ARHGAP10: variants seen among roughly 807,000 people sequenced by gnomAD.
ARHGAP10 encodes the protein Rho GTPase activating protein 10.
In ARHGAP10, 87 loss-of-function variants were observed where a neutral mutation model predicts 108.6. The observed-to-expected ratio is 0.80, with a 90% confidence interval of 0.67 to 0.96. The LOEUF (loss-of-function observed/expected upper bound fraction) is 0.96. Among genes scored for constraint, ARHGAP10 ranks in the 40% least tolerant of loss-of-function variants. The probability of loss-of-function intolerance (pLI) is 0.00; values close to 1 mark genes in which losing one functional copy is unlikely to be tolerated. For missense variants in ARHGAP10, 939 were observed against 954.5 expected, an observed-to-expected ratio of 0.98 and a Z score of 0.21; for synonymous variants, 347 against 341.1, an observed-to-expected ratio of 1.02 and a Z score of -0.19.
intron 18 of ARHGAP10, among the ~76,000 whole-genome samples, chr4:147,974,958 A>C (rs764942013): frequency 6.6e-6 from 1 of 152,186 alleles, no homozygotes; most frequent in South Asian, 2.1e-4. Flanking sequence ...CCATGATTCA[A>C]TTATCTCCCA....
chr4:147,990,153 A>G (rs1740214251), intron 18 of ARHGAP10, among the ~76,000 whole-genome samples: 1 of 152,246 alleles, frequency 6.6e-6, no homozygotes, highest in African/African-American at 2.4e-5. Context: ...TCAGGTCTTC[A>G]TGGTGCAACC....
At chr4:147,873,441 C>A (rs983497182) in intron 7 of ARHGAP10, among the ~76,000 whole-genome samples, 11 of 151,520 alleles carry the variant, frequency 7.3e-5, no homozygotes, top group African/African-American at 2.7e-4. Flanking sequence ...ATTATACACA[C>A]ATGGGGGGAA....
intron 3 of ARHGAP10, among the ~76,000 whole-genome samples, chr4:147,842,354 C>T (rs1181412501): frequency 6.6e-6 from 1 of 152,154 alleles, no homozygotes; most frequent in African/African-American, 2.4e-5. Context: ...CTTGTGTAAT[C>T]TTTGTAGCCT....
At chr4:147,746,175 C>G (rs1030656659) in intron 1 of ARHGAP10, among the ~76,000 whole-genome samples, 40 of 151,948 alleles carry the variant, frequency 2.6e-4, no homozygotes, top group African/African-American at 8.9e-4. Flanking sequence ...GTGATCTTGG[C>G]TCACTGCATC....
chr4:147,799,539 G>A (rs1731489319), intron 1 of ARHGAP10, among the ~76,000 whole-genome samples: 1 of 152,150 alleles, frequency 6.6e-6, no homozygotes, highest in Non-Finnish European at 1.5e-5. Flanking sequence ...TTCTGATAGA[G>A]TGAATTCTGT....
intron 1 of ARHGAP10, among the ~76,000 whole-genome samples, chr4:147,747,279 G>A (rs966215303): frequency 1.3e-5 from 2 of 152,116 alleles, no homozygotes; most frequent in African/African-American, 4.8e-5. Flanking sequence ...AAGATTGTAG[G>A]ACTTCCAAGT....
intron 3 of ARHGAP10, among the ~76,000 whole-genome samples, chr4:147,825,372 G>A (rs561263459): frequency 1.2e-4 from 18 of 152,132 alleles, no homozygotes; most frequent in African/African-American, 3.1e-4. Flanking sequence ...AGTTGAGCCC[G>A]GGAGGCGGAG....
At chr4:148,003,605 G>A (rs183143079) in intron 18 of ARHGAP10, among the ~76,000 whole-genome samples, 10 of 152,256 alleles carry the variant, frequency 6.6e-5, no homozygotes, top group Admixed American at 6.5e-4. Context: ...CCTGTATTGG[G>A]TGCATATATG....
At chr4:147,749,101 G>A (rs1729044768) in intron 1 of ARHGAP10, among the ~76,000 whole-genome samples, 1 of 152,200 alleles carries the variant, frequency 6.6e-6, no homozygotes, top group Admixed American at 6.5e-5. Context: ...AAATAAGTAT[G>A]CCTTCTATTT....
At chr4:147,916,109 T>C (rs956213676) in intron 13 of ARHGAP10, among the ~76,000 whole-genome samples, 7 of 152,314 alleles carry the variant, frequency 4.6e-5, no homozygotes, top group African/African-American at 7.2e-5. Context: ...TAATAACTAT[T>C]GTACACTTCT....
chr4:148,001,297 T>C (rs923035868), intron 18 of ARHGAP10, among the ~76,000 whole-genome samples: 35 of 152,236 alleles, frequency 2.3e-4, no homozygotes, highest in African/African-American at 6.8e-4. Flanking sequence ...ACCAGTACCA[T>C]GCTGTTTTGG....
chr4:147,986,439 A>G (rs1456341469), intron 18 of ARHGAP10, among the ~76,000 whole-genome samples: 4 of 152,218 alleles, frequency 2.6e-5, no homozygotes, highest in African/African-American at 4.8e-5. Context: ...ATATTAAATG[A>G]CTGCAATTAC....
At chr4:148,040,550 T>C (rs1157285919) in intron 19 of ARHGAP10, among the ~76,000 whole-genome samples, 1 of 151,990 alleles carries the variant, frequency 6.6e-6, no homozygotes, top group Non-Finnish European at 1.5e-5. Context: ...CCATGTTGGC[T>C]AGGCTGGTCT....
chr4:147,854,172 T>C (rs1427280125), intron 4 of ARHGAP10, among the ~76,000 whole-genome samples: 3 of 152,202 alleles, frequency 2.0e-5, no homozygotes, highest in Non-Finnish European at 4.4e-5. Context: ...TATAACAGAT[T>C]AGAAAGCTGA....
intron 18 of ARHGAP10, among the ~76,000 whole-genome samples, chr4:148,015,382 A>C (rs746881280): frequency 6.6e-6 from 1 of 152,190 alleles, no homozygotes; most frequent in Non-Finnish European, 1.5e-5. Flanking sequence ...ATCTTTAACC[A>C]CAGGGCCTCA....
At chr4:148,006,691 A>G (rs1740965705) in intron 18 of ARHGAP10, among the ~76,000 whole-genome samples, 1 of 152,216 alleles carries the variant, frequency 6.6e-6, no homozygotes, top group Admixed American at 6.5e-5. Context: ...AACATTTTAA[A>G]AAGATTATGT....
intron 4 of ARHGAP10, among the ~76,000 whole-genome samples, chr4:147,853,378 G>A (rs181557391): frequency 6.6e-6 from 1 of 152,184 alleles, no homozygotes; most frequent in African/African-American, 2.4e-5. Flanking sequence ...TTCTCTAGAC[G>A]AGTCCAACAG....
chr4:147,989,906 T>C (rs1336050364), intron 18 of ARHGAP10, among the ~76,000 whole-genome samples: 1 of 152,220 alleles, frequency 6.6e-6, no homozygotes, highest in African/African-American at 2.4e-5. Flanking sequence ...TTACAATTTA[T>C]GTTTAGAGAT....
intron 13 of ARHGAP10, among the ~76,000 whole-genome samples, chr4:147,917,591 A>G (rs1737040495): frequency 6.6e-6 from 1 of 152,234 alleles, no homozygotes. Context: ...CCATAGACAG[A>G]TTAGCATAAA....
Sources: gnomAD v4.1 joint callset for allele counts (sites outside exome capture counted in the v4.1 genomes callset) on GRCh38, gnomAD v4.1.1 for gene constraint, MANE v1.5 for transcripts, NCBI Gene and HGNC (gene_info 2026-07-23, HGNC 2026-07-21) for gene names.